The following CAPN12 variants were observed in gnomAD, a reference collection of about 807,000 sequenced individuals.
CAPN12 encodes calpain-12.
A neutral mutation model predicts 95.0 loss-of-function variants in CAPN12; 107 were observed. That is an observed-to-expected ratio of 1.13 (90% CI 0.96 to 1.32). The LOEUF (loss-of-function observed/expected upper bound fraction) is 1.32. Among genes scored for constraint, CAPN12 ranks in the 40% most tolerant of loss-of-function variants. The pLI is 0.00. For synonymous variants in CAPN12, 505 were observed against 415.5 expected, an observed-to-expected ratio of 1.22 and a Z score of -2.62; for missense variants, 1,136 against 997.8, an observed-to-expected ratio of 1.14 and a Z score of -1.87.
chr19:38,738,932 G>A (rs1970383725), intron 5 of CAPN12: 1 of 493,136 alleles, frequency 2.0e-6, no homozygotes, highest in Non-Finnish European at 3.7e-6. Flanking sequence ...AGGAGTCCAA[G>A]ACCAGCCTGG....
intron 5 of CAPN12, 155 bp from the exon 6 acceptor site, chr19:38,738,803 G>A: frequency 3.1e-6 from 2 of 650,462 alleles, no homozygotes; most frequent in East Asian, 2.7e-5. Flanking sequence ...AGTGACTGAA[G>A]GCGAAAGAGA....
chr19:38,736,888 TC>T, intron 10 of CAPN12: 1 of 351,426 alleles, frequency 2.8e-6, no homozygotes, highest in South Asian at 3.5e-5. Flanking sequence ...CCCTCTCCCC[TC>T]TGAGACCTGG....
chr19:38,735,429 C>A lies in CAPN12; in HGVS notation c.1627G>T (p.Gly543Cys). ...VISADLQSLQGPYLPLELGLE... is the reference protein window; with the variant it reads ...VISADLQSLQCPYLPLELGLE... ...CCCAGCTCCAGGGGCAGGTAGGGGCCCTGCCGCATGGCGGAAGTTTAGCGC... is the reference window on the plus strand; with the variant it reads ...CCCAGCTCCAGGGGCAGGTAGGGGCACTGCCGCATGGCGGAAGTTTAGCGC... Residue 543 changes from glycine to cysteine, a missense_variant and splice_region_variant, in exon 14 of 21, where the codon GGC becomes TGC. By Grantham distance (159) the Gly-to-Cys change is radical. Coordinates refer to ENST00000328867, the MANE Select transcript of CAPN12 (RefSeq NM_144691.4). 1 of 1,610,784 alleles carries A rather than the reference C, an allele frequency of 6.2e-7. No individual in the cohort carries two copies. The highest frequency in any genetic ancestry group is 8.5e-7 in the Non-Finnish European group (1 of 1,178,962).
rs376315428 is a variant in CAPN12 at position 38,730,829 on chromosome 19, G to A, written c.*23C>T. The A allele has an allele frequency of 6.4e-7, 1 of 1,550,556 alleles. No individual in the cohort carries two copies. Among genetic ancestry groups the A allele is most frequent in the African/African-American group, 1.4e-5 (1 of 73,070 alleles). ...TTGCTCAGCAACCCTGCCCTGAGCA[G>A]CAGGTGCGCCCATCCGGAGATCCTA... On this transcript the variant is annotated 3_prime_UTR_variant, in exon 21 of 21. Transcript: ENST00000328867.
At position 38,744,301 on chromosome 19, in the gene CAPN12, T is replaced by C; in HGVS notation, c.-136A>G. On this transcript the variant is annotated 5_prime_UTR_variant, in exon 1 of 21. Transcript: ENST00000328867. ...TTCCCTCGTTAATATTAATTGATGG[T>C]TTGGGGTGCTGGGGAGCAGGGACGC... 1.2e-6 allele frequency: 1 copy of C among 844,644 alleles called. No homozygotes were observed. 52.3% of individuals were successfully genotyped at this position (844,644 alleles called of 1,614,324 possible). A position where few individuals can be genotyped will look rare whatever the true frequency, so the allele number is the denominator to read the frequency against.
intron 18 of CAPN12, chr19:38,733,479 C>T: frequency 1.9e-6 from 1 of 529,308 alleles, no homozygotes; most frequent in East Asian, 3.1e-5. Context: ...GCACATCCCC[C>T]TTTCATGTCC....
At chr19:38,733,270 G>A (rs1408329309) in intron 18 of CAPN12, 1 of 161,218 alleles carries the variant, frequency 6.2e-6, no homozygotes, top group African/African-American at 2.4e-5. Context: ...CCATTTTAGA[G>A]AGGAAAATGG....
At chr19:38,731,792 G>A (rs970210975) in intron 18 of CAPN12, among the ~76,000 whole-genome samples, 2 of 152,350 alleles carry the variant, frequency 1.3e-5, no homozygotes, top group African/African-American at 4.8e-5. Context: ...GGCTTCTGCT[G>A]CTTCCAAAGC....
At chr19:38,736,062 G>A in intron 12 of CAPN12, 48 bp downstream of exon 12, 2 of 1,191,574 alleles carry the variant, frequency 1.7e-6, no homozygotes, top group Non-Finnish European at 2.2e-6. Context: ...GGGGTCTCGG[G>A]GCCTGTCTAG....
At position 38,744,099 on chromosome 19, in the gene CAPN12, G is replaced by T; in HGVS notation, c.67C>A (p.Arg23Ser). 1 of 1,614,132 alleles carries T rather than the reference G, an allele frequency of 6.2e-7. No homozygotes were observed. Among genetic ancestry groups the T allele is most frequent in the Non-Finnish European group, 8.5e-7 (1 of 1,180,032 alleles). The change falls in exon 1 of 21, where the codon CGC (arginine) becomes AGC (serine). Residue 23 changes from arginine to serine, a missense_variant. By Grantham distance (110) the Arg-to-Ser change is moderately radical. Transcript: ENST00000328867. ...CTCTGGCCCCGAAAAAGCTGCAGGC[G>T]CCCGGCTCCGACCCCAGCCTCCTCA... ...VDEEAGVGAG[R>S]LQLFRGQSYE...
chr19:38,731,004 C>T lies in CAPN12; in HGVS notation c.2094G>A (p.Leu698=). ...TCIFCHCSQH[L]DGGEGVICLT... ...GGCAGATGACCCCCTCACCCCCATC[C>T]AGGTGCTGGCTGCAGTGGCCTGTGC... The change falls in exon 20 of 21, where the codon CTG becomes CTA. Residue 698 remains leucine, a synonymous_variant. Transcript: ENST00000328867. 1.3e-6 allele frequency: 2 copies of T among 1,552,424 alleles called. No individual in the cohort carries two copies. Among genetic ancestry groups the T allele is most frequent in the Non-Finnish European group, 1.7e-6 (2 of 1,148,040 alleles).
chr19:38,741,663 T>C, intron 4 of CAPN12, 114 bp downstream of exon 4: 1 of 1,336,256 alleles, frequency 7.5e-7, no homozygotes, highest in Non-Finnish European at 1.0e-6. Context: ...TGGTTTGGGA[T>C]TCTTGGTGGG....
In CAPN12 at chr19:38,743,087, G is replaced by T; in HGVS notation, c.253C>A (p.Pro85Thr). ...WMRPHEFCAE[P>T]KFICEDMSRT... ...CTCATGTCTTCACAGATGAACTTCG[G>T]CTCAGCACAGAACTCCTGTGGGTGG... is the stretch of plus-strand genomic sequence containing the variant. The change falls in exon 2 of 21, where the codon CCG (proline) becomes ACG (threonine). Residue 85 changes from proline to threonine, a missense_variant. Physicochemically the swap from Pro to Thr is conservative, Grantham distance 38 (BLOSUM62 -1). Coordinates refer to ENST00000328867, the MANE Select transcript of CAPN12 (RefSeq NM_144691.4). 6.2e-7 allele frequency: 1 copy of T among 1,614,062 alleles called. No individual in the cohort carries two copies. Among genetic ancestry groups the T allele is most frequent in the Non-Finnish European group, 8.5e-7 (1 of 1,179,972 alleles).
chr19:38,736,874 A>G, intron 10 of CAPN12: 1 of 527,348 alleles, frequency 1.9e-6, no homozygotes, highest in Non-Finnish European at 3.3e-6. Flanking sequence ...TCATTCCCTT[A>G]GCTCCCTCTC....
rs1970393482 is a variant in CAPN12 at position 38,739,070 on chromosome 19, A to G, written c.730-422T>C. 4 of 264,524 alleles carry G rather than the reference A, an allele frequency of 1.5e-5. No individual in the cohort carries two copies. In the South Asian group the frequency reaches 1.7e-4, roughly 11 times the overall value. 16.4% of individuals were successfully genotyped at this position (264,524 alleles called of 1,614,324 possible). The stretch of plus-strand genomic sequence containing the variant: ...TCCCTTGAGCCCAGAGGTCAAGGCT[A>G]TAGTGAGCTATGATGACACTACTGC... On this transcript the variant is annotated intron_variant, in intron 5 of 20. Coordinates refer to ENST00000328867, the MANE Select transcript of CAPN12 (RefSeq NM_144691.4).
intron 2 of CAPN12, 71 bp from the exon 3 acceptor site, chr19:38,742,599 TC>T: frequency 9.2e-7 from 1 of 1,082,650 alleles, no homozygotes; most frequent in Non-Finnish European, 1.3e-6. Context: ...ATGCCTCTAA[TC>T]CCAGCACTTT....
chr19:38,730,898 C>A lies in CAPN12; in HGVS notation c.2134-20G>T. On this transcript the variant is annotated intron_variant, in intron 20 of 20. Coordinates refer to ENST00000328867, the MANE Select transcript of CAPN12 (RefSeq NM_144691.4). ...CATCCACTAAGGAAGAGAAGGAAGA[C>A]AGTGGCTTGAGGCAGGGAGCTCGCA... 6.4e-7 allele frequency: 1 copy of A among 1,551,208 alleles called. No homozygotes were observed. Among genetic ancestry groups the A allele is most frequent in the South Asian group, 1.2e-5 (1 of 84,106 alleles).
intron 17 of CAPN12, 100 bp from the exon 18 acceptor site, chr19:38,733,881 T>C: frequency 1.9e-6 from 2 of 1,038,890 alleles, no homozygotes; most frequent in Non-Finnish European, 2.9e-6. Flanking sequence ...CCCAACTCCC[T>C]TTCTTCTGGT....
chr19:38,734,104 T>C, intron 17 of CAPN12, 38 bp downstream of exon 17: 1 of 1,608,950 alleles, frequency 6.2e-7, no homozygotes, highest in Non-Finnish European at 8.5e-7. Context: ...AGTAAAGGTT[T>C]CTCTCTTTCT....
Sources: gnomAD v4.1 joint callset for allele counts (sites outside exome capture counted in the v4.1 genomes callset) on GRCh38, gnomAD v4.1.1 for gene constraint, MANE v1.5 for transcripts, NCBI Gene and HGNC (gene_info 2026-07-23, HGNC 2026-07-21) for gene names.